The following FER1L6 variants were observed in gnomAD, a reference collection of about 807,000 sequenced individuals.
The protein encoded by FER1L6 is fer-1-like protein 6.
Under a neutral mutation model 219.2 loss-of-function variants are expected in FER1L6, and 177 were observed. That is an observed-to-expected ratio of 0.81 (90% CI 0.71 to 0.91). The LOEUF (loss-of-function observed/expected upper bound fraction) is 0.91, where lower values mean the gene tolerates loss of function less well. Among genes scored for constraint, FER1L6 ranks in the 40% least tolerant of loss-of-function variants. The probability of loss-of-function intolerance (pLI) is 0.00; values close to 1 mark genes in which losing one functional copy is unlikely to be tolerated. For synonymous variants in FER1L6, 768 were observed against 824.3 expected, an observed-to-expected ratio of 0.93 and a Z score of 1.17; for missense variants, 2,153 against 2,259.9, an observed-to-expected ratio of 0.95 and a Z score of 0.96.
chr8:123,954,588 A>G (rs183281533), intron 1 of FER1L6, among the ~76,000 whole-genome samples: 48 of 152,308 alleles, frequency 3.2e-4, no homozygotes, highest in African/African-American at 1.1e-3. Flanking sequence ...TATTGAGGAA[A>G]TAGTATGTTC....
chr8:124,091,224 C>A (rs1225520294), intron 33 of FER1L6, among the ~76,000 whole-genome samples, 199 bp from the exon 34 acceptor site: 1 of 152,190 alleles, frequency 6.6e-6, no homozygotes, highest in Non-Finnish European at 1.5e-5. Flanking sequence ...AACAAAACTA[C>A]CTTCAAAGGA....
intron 22 of FER1L6, among the ~76,000 whole-genome samples, chr8:124,053,139 G>A (rs2130793457): frequency 6.6e-6 from 1 of 152,282 alleles, no homozygotes; most frequent in African/African-American, 2.4e-5. Flanking sequence ...TAAGTGCTCT[G>A]GGTCTGAGAG....
At chr8:123,926,374 G>T (rs997515653) in intron 1 of FER1L6, among the ~76,000 whole-genome samples, 26 of 152,200 alleles carry the variant, frequency 1.7e-4, no homozygotes, top group Non-Finnish European at 5.9e-5. Context: ...GAAGTAGGTG[G>T]CCCATGCAGT....
intron 39 of FER1L6, among the ~76,000 whole-genome samples, chr8:124,106,328 C>CAAAAAAAAAAAAAAAAAAAAA (rs71289636): frequency 1.6e-5 from 1 of 63,850 alleles, no homozygotes; most frequent in Non-Finnish European, 2.6e-5. Flanking sequence ...GACTCTGTCT[C>CAAAAAAAAAAAAAAAAAAAAA]AAAAAAAAAA....
chr8:123,933,186 A>G (rs1423251905), intron 1 of FER1L6, among the ~76,000 whole-genome samples: 4 of 152,176 alleles, frequency 2.6e-5, no homozygotes, highest in Non-Finnish European at 5.9e-5. Flanking sequence ...GCTCATCACT[A>G]AAGGATGTCC....
At chr8:124,075,765 A>G (rs1459377906) in intron 31 of FER1L6, among the ~76,000 whole-genome samples, 3 of 152,188 alleles carry the variant, frequency 2.0e-5, no homozygotes, top group African/African-American at 4.8e-5. Flanking sequence ...TTTCAGCTCC[A>G]TTATAATTTT....
chr8:123,965,972 T>C, intron 3 of FER1L6, 35 bp from the exon 4 acceptor site: 2 of 1,558,944 alleles, frequency 1.3e-6, no homozygotes, highest in Non-Finnish European at 1.8e-6. Flanking sequence ...TATTCTTCCT[T>C]GATGAAACAA....
chr8:123,893,142 G>A (rs1208994763), intron 1 of FER1L6, among the ~76,000 whole-genome samples: 1 of 152,142 alleles, frequency 6.6e-6, no homozygotes, highest in Non-Finnish European at 1.5e-5. Context: ...ATCCAAAATT[G>A]TAGTTTTGCT....
At chr8:124,053,871 G>T (rs1051436077) in intron 22 of FER1L6, among the ~76,000 whole-genome samples, 1 of 152,080 alleles carries the variant, frequency 6.6e-6, no homozygotes, top group Non-Finnish European at 1.5e-5. Flanking sequence ...AAAAACACAT[G>T]AAGGATATAA....
At chr8:124,031,114 G>A (rs947232026) in intron 18 of FER1L6, among the ~76,000 whole-genome samples, 2 of 152,042 alleles carry the variant, frequency 1.3e-5, no homozygotes, top group African/African-American at 4.8e-5. Context: ...AGCTTCAGGG[G>A]CACATGAGAG....
chr8:124,053,908 T>C (rs566193953), intron 22 of FER1L6, among the ~76,000 whole-genome samples: 59 of 152,304 alleles, frequency 3.9e-4, no homozygotes, highest in Middle Eastern at 3.4e-3. Context: ...TGCACCAGAC[T>C]GAATTCATTA....
At chr8:123,879,056 A>G (rs1044574248) in intron 1 of FER1L6, among the ~76,000 whole-genome samples, 19 of 152,150 alleles carry the variant, frequency 1.2e-4, no homozygotes, top group Admixed American at 1.2e-3. Context: ...AGGGAGAAAG[A>G]AAGTGCCTAA....
At chr8:124,112,009 C>T (rs1283253573) in intron 39 of FER1L6, among the ~76,000 whole-genome samples, 1 of 152,144 alleles carries the variant, frequency 6.6e-6, no homozygotes, top group Non-Finnish European at 1.5e-5. Flanking sequence ...ATAACTTTCT[C>T]CTAATAGGGT....
At chr8:124,065,534 A>G (rs1820793905) in intron 26 of FER1L6, among the ~76,000 whole-genome samples, 1 of 152,030 alleles carries the variant, frequency 6.6e-6, no homozygotes, top group African/African-American at 2.4e-5. Context: ...CATTTCATCC[A>G]TGGTCAGCGA....
At chr8:123,990,140 T>TG (rs1242712495) in intron 12 of FER1L6, among the ~76,000 whole-genome samples, 2 of 151,994 alleles carry the variant, frequency 1.3e-5, no homozygotes, top group Non-Finnish European at 2.9e-5. Flanking sequence ...TGGTGGTGGG[T>TG]GACTGTAGTC....
intron 1 of FER1L6, among the ~76,000 whole-genome samples, chr8:123,904,606 A>T (rs1812919119): frequency 6.6e-6 from 1 of 152,152 alleles, no homozygotes; most frequent in South Asian, 2.1e-4. Flanking sequence ...CCTATACAAG[A>T]TACTTAGAAG....
At chr8:124,114,198 G>A (rs1823136777) in intron 39 of FER1L6, among the ~76,000 whole-genome samples, 1 of 151,750 alleles carries the variant, frequency 6.6e-6, no homozygotes, top group Non-Finnish European at 1.5e-5. Flanking sequence ...CTCATCAGTT[G>A]GAAATAAATC....
intron 12 of FER1L6, among the ~76,000 whole-genome samples, chr8:123,995,771 GT>G (rs1817106155): frequency 6.6e-6 from 1 of 151,702 alleles, no homozygotes; most frequent in South Asian, 2.1e-4. Context: ...TTTATTTGAT[GT>G]TTTTCTAGTT....
chr8:124,042,180 T>C (rs1044955567), intron 20 of FER1L6, among the ~76,000 whole-genome samples: 19 of 152,224 alleles, frequency 1.2e-4, no homozygotes, highest in African/African-American at 3.4e-4. Context: ...TTGTATTTTG[T>C]ATCTCCATAC....
Sources: allele counts gnomAD v4.1 joint callset (sites outside exome capture counted in the v4.1 genomes callset), GRCh38; gene constraint gnomAD v4.1.1; transcripts MANE v1.5; gene names NCBI Gene and HGNC (gene_info 2026-07-23, HGNC 2026-07-21).